Variants in RANBP9 observed in about 807,000 individuals in gnomAD.
RANBP9 encodes RAN binding protein 9.
A neutral mutation model predicts 84.3 loss-of-function variants in RANBP9; 15 were observed. The observed-to-expected ratio is 0.18, with a 90% CI of 0.12 to 0.27. RANBP9 has a LOEUF of 0.27. Among genes scored for constraint, RANBP9 ranks in the 10% least tolerant of loss-of-function variants. RANBP9 has a pLI of 1.00. For synonymous variants in RANBP9, 392 were observed against 349.6 expected (o/e 1.12, Z -1.35); for missense variants, 809 against 912.8 (o/e 0.89, Z 1.46).
chr6:13,710,892 C>A (rs777856014), intron 1 of RANBP9, 43 bp downstream of exon 1: 1 of 1,543,946 alleles, frequency 6.5e-7, no homozygotes, highest in Non-Finnish European at 8.7e-7. Context: ...CCGGCCACGT[C>A]GGGTCAGTGC....
intron 1 of RANBP9, among the ~76,000 whole-genome samples, chr6:13,705,971 A>G (rs946215529): frequency 1.3e-5 from 2 of 152,188 alleles, no homozygotes; most frequent in East Asian, 1.9e-4. Flanking sequence ...TCAAACTTAA[A>G]AAGTGCAAGA....
At chr6:13,703,474 G>C (rs1391874584) in intron 1 of RANBP9, among the ~76,000 whole-genome samples, 18 of 152,216 alleles carry the variant, frequency 1.2e-4, no homozygotes, top group Non-Finnish European at 4.4e-5. Context: ...CGAAAGAAGT[G>C]AGACCCAGAC....
intron 8 of RANBP9, among the ~76,000 whole-genome samples, chr6:13,640,870 C>G (rs1294098071): frequency 1.3e-5 from 2 of 151,926 alleles, no homozygotes; most frequent in Non-Finnish European, 2.9e-5. Context: ...GTATATTTTA[C>G]CACAATTTTT....
At chr6:13,696,946 A>G in intron 1 of RANBP9, 50 bp from the exon 2 acceptor site, 1 of 1,446,428 alleles carries the variant, frequency 6.9e-7, no homozygotes, top group Non-Finnish European at 9.6e-7. Flanking sequence ...TATTCACTGA[A>G]AGATGAAAAC....
At chr6:13,635,190 T>C (rs1764905569) in intron 10 of RANBP9, among the ~76,000 whole-genome samples, 2 of 152,350 alleles carry the variant, frequency 1.3e-5, no homozygotes, top group South Asian at 4.1e-4. Context: ...GCTATCTTAT[T>C]GGCTAAAGTA....
At chr6:13,658,929 C>A in intron 2 of RANBP9, 97 bp from the exon 3 acceptor site, 1 of 1,189,126 alleles carries the variant, frequency 8.4e-7, no homozygotes, top group Non-Finnish European at 1.2e-6. Context: ...GAACCAAGCC[C>A]AAGTTGGAAC....
In RANBP9 at chr6:13,639,638, G is replaced by T. The variant is rs1765017041; in HGVS notation, c.1450C>A (p.Pro484Thr). The change falls in exon 9 of 14, where the codon CCA becomes ACA. Residue 484 changes from proline (P) to threonine (T), a missense_variant. By Grantham distance (38) the Pro-to-Thr change is conservative. Transcript: ENST00000011619. ...YPVSPRPFSS[P>T]SMSPSHGMNI... is the part of the protein sequence containing the mutation. ...ATTCCATGGCTGGGGCTCATACTTG[G>T]ACTACTAAAAGGTCGAGGACTAACA... The T allele has an allele frequency of 6.2e-7, 1 of 1,613,158 alleles. No homozygotes were observed. Among genetic ancestry groups the T allele is most frequent in the Non-Finnish European group, 8.5e-7 (1 of 1,179,144 alleles).
At chr6:13,640,579 T>C (rs1054036683) in intron 8 of RANBP9, among the ~76,000 whole-genome samples, 5 of 152,148 alleles carry the variant, frequency 3.3e-5, no homozygotes, top group Non-Finnish European at 5.9e-5. Flanking sequence ...ATTCAGCCTT[T>C]AAAAGGAAGA....
chr6:13,660,104 A>G (rs1225048788), intron 2 of RANBP9, among the ~76,000 whole-genome samples: 1 of 152,214 alleles, frequency 6.6e-6, no homozygotes, highest in Non-Finnish European at 1.5e-5. Context: ...CACAATAACT[A>G]CAGAAAACAT....
At chr6:13,708,929 AAGAT>A (rs1758202008) in intron 1 of RANBP9, among the ~76,000 whole-genome samples, 1 of 152,164 alleles carries the variant, frequency 6.6e-6, no homozygotes, top group South Asian at 2.1e-4. Context: ...AGACAAAGGA[AAGAT>A]AGAAGAGAGG....
At chr6:13,686,281 T>TTTTA (rs1291011541) in intron 2 of RANBP9, among the ~76,000 whole-genome samples, 5 of 151,538 alleles carry the variant, frequency 3.3e-5, no homozygotes, top group Admixed American at 6.6e-5. Flanking sequence ...ATTTTATTAT[T>TTTTA]TTTATTTATT....
At chr6:13,622,752 C>T (rs2127756762) in intron 13 of RANBP9, among the ~76,000 whole-genome samples, 1 of 152,310 alleles carries the variant, frequency 6.6e-6, no homozygotes, top group Middle Eastern at 3.4e-3. Flanking sequence ...TACTAAAATA[C>T]TTCCATATTA....
At chr6:13,700,544 TTC>T in intron 1 of RANBP9, among the ~76,000 whole-genome samples, 1 of 152,284 alleles carries the variant, frequency 6.6e-6, no homozygotes, top group South Asian at 2.1e-4. Flanking sequence ...TCCTCAAATA[TTC>T]TTTCTCTAAT....
intron 2 of RANBP9, among the ~76,000 whole-genome samples, chr6:13,679,602 T>G (rs1765981359): frequency 6.6e-6 from 1 of 152,216 alleles, no homozygotes; most frequent in Non-Finnish European, 1.5e-5. Flanking sequence ...AACTGACATT[T>G]TTGGTTAATA....
chr6:13,645,285 A>G (rs760165775), intron 5 of RANBP9, among the ~76,000 whole-genome samples: 1 of 152,146 alleles, frequency 6.6e-6, no homozygotes, highest in Non-Finnish European at 1.5e-5. Context: ...ACACAGTGCC[A>G]GGAAGAGTGG....
chr6:13,652,715 G>GT, intron 4 of RANBP9, 34 bp from the exon 5 acceptor site: 2 of 1,561,140 alleles, frequency 1.3e-6, no homozygotes, highest in Non-Finnish European at 1.8e-6. Flanking sequence ...ATTAGAAGCT[G>GT]TTTTTCAAAG....
intron 12 of RANBP9, among the ~76,000 whole-genome samples, chr6:13,626,353 TG>T (rs1297839981): frequency 6.6e-6 from 1 of 152,242 alleles, no homozygotes; most frequent in Non-Finnish European, 1.5e-5. Flanking sequence ...TTATATTTTT[TG>T]TCTTCTTTCT....
In RANBP9 at chr6:13,648,362, A is replaced by G. The variant is rs145455923; in HGVS notation, c.928-3633T>C. Among the ~76,000 whole-genome samples, 574 of 151,880 alleles carry G rather than the reference A, an allele frequency of 3.8e-3. 3 individuals are homozygous for G. The highest frequency in any genetic ancestry group is 0.014 in the African/African-American group (560 of 41,460). ...GGGGTTTCACCATGTTGGCCAGGAT[A>G]GTCTTGATCTCTTGATCCGCCCGCC... On this transcript the variant is annotated intron_variant, in intron 5 of 13. Transcript: ENST00000011619.
At chr6:13,632,336 A>T in intron 12 of RANBP9, 34 bp downstream of exon 12, 1 of 1,596,944 alleles carries the variant, frequency 6.3e-7, no homozygotes, top group Non-Finnish European at 8.6e-7. Context: ...TTCCTCTGAC[A>T]TATTCATAAT....
Sources: gnomAD v4.1 joint callset for allele counts (sites outside exome capture counted in the v4.1 genomes callset) on GRCh38, gnomAD v4.1.1 for gene constraint, MANE v1.5 for transcripts, NCBI Gene and HGNC (gene_info 2026-07-23, HGNC 2026-07-21) for gene names.